The following NEO1 variants were observed in gnomAD, a reference collection of about 807,000 sequenced individuals.
NEO1 encodes neogenin.
Under a neutral mutation model 159.7 loss-of-function variants are expected in NEO1, and 63 were observed. The observed-to-expected ratio is 0.39, with a 90% CI of 0.32 to 0.49. NEO1 has a LOEUF of 0.49. NEO1 is among the 20% of genes least tolerant of loss of function. The pLI, the probability that NEO1 is intolerant of heterozygous loss-of-function variation, is 0.85. For missense variants in NEO1, 1,615 were observed against 1,831.0 expected (o/e 0.88, Z 2.15); for synonymous variants, 633 against 662.0 (o/e 0.96, Z 0.67).
chr15:73,097,776 C>CTTTTTTTTTTTTTTTTT lies in NEO1; in HGVS notation c.131-18758_131-18742dup, dbSNP rs34165169. Among the ~76,000 whole-genome samples the CTTTTTTTTTTTTTTTTT allele has an allele frequency of 1.3e-3, 96 of 75,548 alleles. 2 individuals carry two copies. Among genetic ancestry groups the CTTTTTTTTTTTTTTTTT allele is most frequent in the African/African-American group, 2.6e-3 (31 of 11,934 alleles). The allele number at this position is 75,548 out of a possible 152,430, so 49.6% of individuals were successfully genotyped here. On this transcript the variant is annotated intron_variant, in intron 1 of 28. Coordinates refer to ENST00000261908, the MANE Select transcript of NEO1 (RefSeq NM_002499.4). Reference sequence around the variant, plus strand: ...TTCTAATCCCAGACCTGGAACTAGCCTTTTTTTTTTTTTTTTTTTTTTGTA... The same window carrying CTTTTTTTTTTTTTTTTT: ...TTCTAATCCCAGACCTGGAACTAGCCTTTTTTTTTTTTTTTTTTTTTTTTTTTTTTTTTTTTTTTGTA...
chr15:73,266,187 A>G, intron 15 of NEO1, 129 bp from the exon 16 acceptor site: 1 of 645,866 alleles, frequency 1.5e-6, no homozygotes, highest in Admixed American at 2.9e-5. Flanking sequence ...AACCTGAAAT[A>G]ATCCCCCATA....
chr15:73,236,787 C>T (rs565442945), intron 8 of NEO1, among the ~76,000 whole-genome samples: 5 of 152,196 alleles, frequency 3.3e-5, no homozygotes, highest in Admixed American at 2.0e-4. Flanking sequence ...AAGATTCAGT[C>T]AGTATAAATT....
chr15:73,149,308 G>A (rs1468806770), intron 5 of NEO1, among the ~76,000 whole-genome samples: 30 of 146,440 alleles, frequency 2.0e-4, no homozygotes, highest in African/African-American at 7.8e-4. Flanking sequence ...AGTAAGACTC[G>A]GTCTAAAAAA....
intron 6 of NEO1, among the ~76,000 whole-genome samples, chr15:73,178,054 CAGTG>C (rs1295257181): frequency 3.3e-5 from 5 of 152,136 alleles, no homozygotes; most frequent in South Asian, 4.1e-4. Flanking sequence ...AGTTTGCAAA[CAGTG>C]AGAGTATGAC....
chr15:73,254,231 A>G lies in NEO1; in HGVS notation c.1945-451A>G, dbSNP rs555985285. On this transcript the variant is annotated intron_variant, in intron 12 of 28. Transcript: ENST00000261908. ...TACTATAGGGCTCCTTTTTTTTTTT[A>G]AGAGGCAACCAGCTGTTAATTAGTT... is the stretch of plus-strand genomic sequence containing the variant. Among the ~76,000 whole-genome samples, 4 of 151,204 alleles carry G rather than the reference A, an allele frequency of 2.6e-5. No individual in the cohort carries two copies. In the South Asian group the frequency reaches 8.3e-4, roughly 31 times the overall value.
At chr15:73,194,207 T>C (rs1437712125) in intron 7 of NEO1, among the ~76,000 whole-genome samples, 2 of 152,188 alleles carry the variant, frequency 1.3e-5, no homozygotes, top group African/African-American at 4.8e-5. Context: ...ATATGGAATC[T>C]GTCCTACCAT....
Position 73,122,650 on chromosome 15 carries a change from C to G in NEO1, c.574C>G (p.Leu192Val), listed in dbSNP as rs1347107005. ...GAGGTGGGAACAGAACAGACAACCC[C>G]TTCTTCTGGATGATAGAGTTATCAA... ...FVRWEQNRQP[L>V]LLDDRVIKLP... Residue 192 changes from leucine (L) to valine (V), a missense_variant, in exon 3 of 29, where the codon CTT becomes GTT. By Grantham distance (32) the Leu-to-Val change is conservative. Coordinates refer to ENST00000261908, the MANE Select transcript of NEO1 (RefSeq NM_002499.4). 6.2e-7 allele frequency: 1 copy of G among 1,614,160 alleles called. No homozygotes were observed. Among genetic ancestry groups the G allele is most frequent in the Admixed American group, 1.7e-5 (1 of 60,018 alleles).
intron 7 of NEO1, among the ~76,000 whole-genome samples, chr15:73,225,211 G>C (rs920694216): frequency 6.6e-6 from 1 of 152,184 alleles, no homozygotes; most frequent in East Asian, 1.9e-4. Context: ...GAGGTGGCAG[G>C]GGGGTGAAAT....
At chr15:73,148,325 A>G (rs1166955101) in intron 5 of NEO1, among the ~76,000 whole-genome samples, 2 of 152,138 alleles carry the variant, frequency 1.3e-5, no homozygotes, top group Non-Finnish European at 2.9e-5. Context: ...CTCCTCTTCA[A>G]TTTTAGTTAG....
intron 7 of NEO1, among the ~76,000 whole-genome samples, chr15:73,225,475 C>T (rs1330912091): frequency 1.3e-5 from 2 of 152,076 alleles, no homozygotes; most frequent in Non-Finnish European, 2.9e-5. Flanking sequence ...GGCGCGTCTC[C>T]CTGCGGCTGC....
chr15:73,233,088 A>G (rs2038995939), intron 7 of NEO1, among the ~76,000 whole-genome samples: 1 of 152,164 alleles, frequency 6.6e-6, no homozygotes, highest in South Asian at 2.1e-4. Flanking sequence ...CTAAAGTCCC[A>G]ATCTACATCA....
At chr15:73,178,894 T>G (rs937160611) in intron 7 of NEO1, among the ~76,000 whole-genome samples, 3 of 152,148 alleles carry the variant, frequency 2.0e-5, no homozygotes, top group African/African-American at 7.2e-5. Context: ...TAGTCAACAT[T>G]CATAAAACCC....
At chr15:73,294,455 A>G (rs1296496186) in intron 26 of NEO1, among the ~76,000 whole-genome samples, 2 of 152,190 alleles carry the variant, frequency 1.3e-5, no homozygotes, top group Non-Finnish European at 1.5e-5. Flanking sequence ...AGTGAGTTCC[A>G]TTTTAAAAGA....
intron 1 of NEO1, among the ~76,000 whole-genome samples, chr15:73,100,905 C>T (rs905084008): frequency 2.0e-5 from 3 of 152,178 alleles, no homozygotes; most frequent in Non-Finnish European, 2.9e-5. Flanking sequence ...AACACCACCA[C>T]CCTTCTCTCA....
At chr15:73,141,649 T>G (rs1043360173) in intron 5 of NEO1, among the ~76,000 whole-genome samples, 7 of 152,188 alleles carry the variant, frequency 4.6e-5, no homozygotes, top group African/African-American at 1.4e-4. Context: ...CACTTAAGTT[T>G]TAAACCTCAC....
chr15:73,255,830 A>AG (rs1357498690), intron 13 of NEO1: 4 of 152,176 alleles, frequency 2.6e-5, no homozygotes, highest in African/African-American at 9.7e-5. Flanking sequence ...CACTCAATAG[A>AG]GCCCATCTGT....
intron 5 of NEO1, among the ~76,000 whole-genome samples, chr15:73,169,403 G>A (rs543400161): frequency 2.0e-5 from 3 of 152,004 alleles, no homozygotes; most frequent in Non-Finnish European, 4.4e-5. Context: ...TGACTCATTT[G>A]TTCTCTGGTT....
At chr15:73,244,250 A>G (rs1596462442) in intron 8 of NEO1, 94 bp from the exon 9 acceptor site, 2 of 1,390,464 alleles carry the variant, frequency 1.4e-6, no homozygotes, top group Non-Finnish European at 1.9e-6. Context: ...TTTGACTTAC[A>G]CTGATAGATT....
intron 27 of NEO1, among the ~76,000 whole-genome samples, chr15:73,300,842 C>T (rs959913649): frequency 1.3e-5 from 2 of 152,310 alleles, no homozygotes; most frequent in African/African-American, 4.8e-5. Context: ...AATATGTATT[C>T]CTTTATTAAG....
Sources: allele counts gnomAD v4.1 joint callset (sites outside exome capture counted in the v4.1 genomes callset), GRCh38; gene constraint gnomAD v4.1.1; transcripts MANE v1.5; gene names NCBI Gene and HGNC (gene_info 2026-07-23, HGNC 2026-07-21).